The following HIVEP3 variants were observed in gnomAD, a reference collection of about 807,000 sequenced individuals.
HIVEP3 encodes the protein HIVEP zinc finger 3.
In HIVEP3, 49 loss-of-function variants were observed where a neutral mutation model predicts 152.8. The observed-to-expected ratio is 0.32, with a 90% CI of 0.26 to 0.41. The LOEUF is 0.41. Ranked by LOEUF, HIVEP3 falls within the 10% of genes least tolerant of loss-of-function variation. The pLI is 1.00. For synonymous variants in HIVEP3, 1,269 were observed against 1,289.0 expected, an observed-to-expected ratio of 0.98 and a Z score of 0.33; for missense variants, 2,790 against 3,103.3, an observed-to-expected ratio of 0.90 and a Z score of 2.40.
At chr1:41,710,569 A>C (rs1308335184) in intron 1 of HIVEP3, among the ~76,000 whole-genome samples, 1 of 152,146 alleles carries the variant, frequency 6.6e-6, no homozygotes, top group Non-Finnish European at 1.5e-5. Flanking sequence ...CCAACTGGCC[A>C]GCACAGTCCT....
At chr1:41,589,057 G>T (rs1215014143) in intron 3 of HIVEP3, among the ~76,000 whole-genome samples, 1 of 152,186 alleles carries the variant, frequency 6.6e-6, no homozygotes, top group Non-Finnish European at 1.5e-5. Context: ...CTAAGAAAAT[G>T]GTTCTTTTCT....
At chr1:41,676,852 C>G (rs1055361542) in intron 2 of HIVEP3, among the ~76,000 whole-genome samples, 3 of 152,222 alleles carry the variant, frequency 2.0e-5, no homozygotes, top group African/African-American at 4.8e-5. Flanking sequence ...ATCACAGCAC[C>G]TCCCTAGGAT....
chr1:41,916,968 C>T (rs1276278118), intron 1 of HIVEP3, among the ~76,000 whole-genome samples: 2 of 152,114 alleles, frequency 1.3e-5, no homozygotes, highest in Non-Finnish European at 2.9e-5. Context: ...GAAAGAGACA[C>T]AGGAGGGTCT....
At chr1:41,591,266 G>C (rs1428345925) in intron 3 of HIVEP3, among the ~76,000 whole-genome samples, 1 of 152,094 alleles carries the variant, frequency 6.6e-6, no homozygotes, top group African/African-American at 2.4e-5. Context: ...AACCAAGGTT[G>C]AATTCGGAGG....
At chr1:41,548,297 A>T (rs185162553) in intron 5 of HIVEP3, among the ~76,000 whole-genome samples, 1 of 152,142 alleles carries the variant, frequency 6.6e-6, no homozygotes, top group Non-Finnish European at 1.5e-5. Flanking sequence ...CACCCTGCAG[A>T]TGAGAAAGGG....
rs753023139 is a variant in HIVEP3 at position 41,583,281 on chromosome 1, C to T, written c.1517G>A (p.Arg506Gln). The change falls in exon 4 of 9, where the codon CGG becomes CAG. Residue 506 changes from arginine (R) to glutamine (Q), a missense_variant. By Grantham distance (43) the Arg-to-Gln change is conservative (BLOSUM62 1). Transcript: ENST00000372583. This position sits in a 1 kb window ranked among gnomAD's most constrained non-coding sequence, Gnocchi z 6.9. Reference protein sequence around the residue: ...SMESPKSSLYREPLSSHSEKT... With the variant: ...SMESPKSSLYQEPLSSHSEKT... The stretch of plus-strand genomic sequence containing the variant: ...CTCACTGTGGGATGACAGGGGCTCC[C>T]GGTAGAGGCTGGATTTTGGGGACTC... The T allele has an allele frequency of 7.4e-6, 12 of 1,613,006 alleles. No homozygotes were observed. Among genetic ancestry groups the T allele is most frequent in the South Asian group, 5.5e-5 (5 of 90,882 alleles).
intron 1 of HIVEP3, among the ~76,000 whole-genome samples, chr1:41,787,535 CTT>C (rs200281948): frequency 0.17 from 20,865 of 122,684 alleles, 4,130 homozygotes; most frequent in African/African-American, 0.54. Context: ...TTCTTTCTTT[CTT>C]TTTTTTTTTT....
intron 2 of HIVEP3, among the ~76,000 whole-genome samples, chr1:41,672,366 A>C (rs973553118): frequency 2.6e-5 from 4 of 152,134 alleles, no homozygotes; most frequent in Non-Finnish European, 4.4e-5. Context: ...TCCTTGTCTG[A>C]ATCCCCAGTT....
At chr1:41,751,933 T>A (rs1440420) in intron 1 of HIVEP3, among the ~76,000 whole-genome samples, 1 of 152,018 alleles carries the variant, frequency 6.6e-6, no homozygotes, top group South Asian at 2.1e-4. Flanking sequence ...CTGTGGTGGG[T>A]GGAGGATCCA....
chr1:41,581,198 T>C lies in HIVEP3; in HGVS notation c.3600A>G (p.Pro1200=). 1 of 1,553,102 alleles carries C rather than the reference T, an allele frequency of 6.4e-7. No individual in the cohort carries two copies. Among genetic ancestry groups the C allele is most frequent in the African/African-American group, 1.4e-5 (1 of 73,164 alleles). Reference sequence around the variant, plus strand: ...TGAGCTGGGGGAGATGGAGTTGGCCTGGGTGCAGAACAGTAGGCTGGAGAG... The same window carrying C: ...TGAGCTGGGGGAGATGGAGTTGGCCCGGGTGCAGAACAGTAGGCTGGAGAG... ...PLPLQPTVLH[P]GQLHLPQLMP... is the part of the protein sequence containing the mutation. Residue 1200 remains proline, a synonymous_variant, in exon 4 of 9, where the codon CCA becomes CCG. Transcript: ENST00000372583. The surrounding 1 kb of genome is among the most constrained non-coding windows in gnomAD (Gnocchi z 4.5).
In HIVEP3 at chr1:41,507,177, G is replaced by A. The variant is rs751944306; in HGVS notation, c.*3274C>T. 4 of 152,254 alleles carry A rather than the reference G, an allele frequency of 2.6e-5. No individual in the cohort carries two copies. Among genetic ancestry groups the A allele is most frequent in the Non-Finnish European group, 5.9e-5 (4 of 68,060 alleles). The allele number at this position is 152,254 out of a possible 1,614,324, so 9.4% of individuals were successfully genotyped here. On this transcript the variant is annotated 3_prime_UTR_variant, in exon 9 of 9. Coordinates refer to ENST00000372583, the MANE Select transcript of HIVEP3 (RefSeq NM_024503.5). ...TCATTCCTCTTCAGAAGGACTGGGTGGGAATGGAGCAGGGGCTAGAGGAAT... is the reference window on the plus strand; with the variant it reads ...TCATTCCTCTTCAGAAGGACTGGGTAGGAATGGAGCAGGGGCTAGAGGAAT...
intron 1 of HIVEP3, among the ~76,000 whole-genome samples, chr1:41,723,200 A>G (rs1226527137): frequency 6.6e-6 from 1 of 152,172 alleles, no homozygotes. Flanking sequence ...CAAGGCTGTT[A>G]GCAGTAGGAG....
chr1:41,605,373 G>GCACACACACA (rs1482926182), intron 3 of HIVEP3, among the ~76,000 whole-genome samples: 1 of 106,760 alleles, frequency 9.4e-6, no homozygotes, highest in Admixed American at 1.1e-4. Flanking sequence ...ACACGCACAC[G>GCACACACACA]CGCACACACA....
At position 41,510,755 on chromosome 1, in the gene HIVEP3, T is replaced by C; in HGVS notation, c.6917A>G (p.His2306Arg). The C allele has an allele frequency of 1.9e-6, 3 of 1,588,478 alleles. No homozygotes were observed. The highest frequency in any genetic ancestry group is 2.6e-6 in the Non-Finnish European group (3 of 1,167,790). The change falls in exon 9 of 9, where the codon CAC becomes CGC. Residue 2306 changes from histidine (H) to arginine (R), a missense_variant. This residue lies in a region of HIVEP3 where 816 missense variants were observed against 806.5 expected (regional missense o/e 1.01). Coordinates refer to ENST00000372583, the MANE Select transcript of HIVEP3 (RefSeq NM_024503.5). The part of the protein sequence containing the change: ...TGAPAEPTPT[H>R]SPCTPPDTLP... ...GGTGTCGGGTGGGGTGCAGGGGCTG[T>C]GCGTGGGTGTGGGCTCTGCAGGTGC...
intron 1 of HIVEP3, among the ~76,000 whole-genome samples, chr1:41,909,553 A>G (rs996622282): frequency 4.6e-5 from 7 of 152,148 alleles, no homozygotes; most frequent in Non-Finnish European, 1.0e-4. Flanking sequence ...TACTTCTCTC[A>G]GTAACTGATT....
rs1432919599 is a variant in HIVEP3 at position 41,837,120 on chromosome 1, CACA to C, written c.-801+81290_-801+81292del. 3.3e-5 allele frequency among the ~76,000 whole-genome samples: 5 copies of C among 152,344 alleles called. No individual in the cohort carries two copies. In the East Asian group the frequency reaches 9.6e-4, roughly 29 times the overall value. On this transcript the variant is annotated intron_variant, in intron 1 of 8. Coordinates refer to ENST00000372583, the MANE Select transcript of HIVEP3 (RefSeq NM_024503.5). Reference sequence around the variant, plus strand: ...AATGGCCTTCATTTTGTTCCTCCAACACAACAAGCTTATTCCTGTCTCAGGAAA... The same window carrying C: ...AATGGCCTTCATTTTGTTCCTCCAACACAAGCTTATTCCTGTCTCAGGAAA...
At chr1:41,729,268 T>C (rs1049541930) in intron 1 of HIVEP3, among the ~76,000 whole-genome samples, 1 of 152,154 alleles carries the variant, frequency 6.6e-6, no homozygotes, top group Non-Finnish European at 1.5e-5. Flanking sequence ...ACTTCCAACA[T>C]TATGTTGTGA....
At chr1:41,613,375 T>G (rs7515948) in intron 3 of HIVEP3, among the ~76,000 whole-genome samples, 87,487 of 152,116 alleles carry the variant, frequency 0.58, 25,318 homozygotes, top group African/African-American at 0.6. Flanking sequence ...ATTCCCTCAC[T>G]GTACTAATCT....
At chr1:41,863,289 G>A (rs939921349) in intron 1 of HIVEP3, among the ~76,000 whole-genome samples, 4 of 152,192 alleles carry the variant, frequency 2.6e-5, no homozygotes, top group African/African-American at 7.2e-5. Context: ...AGCAGAGAAC[G>A]CTGGAAAAGG....
Sources: allele counts gnomAD v4.1 joint callset (sites outside exome capture counted in the v4.1 genomes callset), GRCh38; gene constraint gnomAD v4.1.1; regional missense constraint gnomAD v4.1.1; non-coding constraint Gnocchi (gnomAD v3.1); transcripts MANE v1.5; gene names NCBI Gene and HGNC (gene_info 2026-07-23, HGNC 2026-07-21).